RABGAP1L: variants seen among roughly 807,000 people sequenced by gnomAD.
The protein encoded by RABGAP1L is RAB GTPase activating protein 1 like, also known as rab GTPase-activating protein 1-like.
Under a neutral mutation model 137.7 loss-of-function variants are expected in RABGAP1L, and 63 were observed. The ratio of observed to expected loss-of-function variants is 0.46; its 90% confidence interval spans 0.37 to 0.56. The LOEUF (loss-of-function observed/expected upper bound fraction) is 0.56. RABGAP1L is among the 20% of genes least tolerant of loss of function. The probability of loss-of-function intolerance (pLI) is 0.00; values close to 1 mark genes in which losing one functional copy is unlikely to be tolerated. For synonymous variants in RABGAP1L, 431 were observed against 433.7 expected (o/e 0.99, Z 0.08); for missense variants, 1,095 against 1,244.0 (o/e 0.88, Z 1.80).
intron 15 of RABGAP1L, among the ~76,000 whole-genome samples, chr1:174,690,829 C>CTTT (rs572724291): frequency 8.7e-4 from 102 of 116,888 alleles, no homozygotes; most frequent in African/African-American, 1.1e-3. Flanking sequence ...CAGCATTCAT[C>CTTT]TTTTTTTTTT....
At chr1:174,979,087 A>G (rs1670888766) in intron 23 of RABGAP1L, among the ~76,000 whole-genome samples, 197 bp downstream of exon 23, 1 of 152,198 alleles carries the variant, frequency 6.6e-6, no homozygotes, top group Admixed American at 6.5e-5. Context: ...CGGGAGGCTG[A>G]GGCAGGAGGA....
intron 19 of RABGAP1L, among the ~76,000 whole-genome samples, chr1:174,840,677 G>C (rs906891050): frequency 6.6e-6 from 1 of 151,058 alleles, no homozygotes; most frequent in Non-Finnish European, 1.5e-5. Flanking sequence ...TTAGCTGGGC[G>C]TGGTGGCAGG....
chr1:174,651,737 G>T (rs1226038917), intron 14 of RABGAP1L, among the ~76,000 whole-genome samples: 1 of 152,110 alleles, frequency 6.6e-6, no homozygotes. Context: ...GTCTCTGCAG[G>T]TGAGATGCGT....
intron 11 of RABGAP1L, among the ~76,000 whole-genome samples, chr1:174,323,189 A>G (rs569168395): frequency 2.6e-5 from 4 of 152,292 alleles, no homozygotes; most frequent in Non-Finnish European, 4.4e-5. Flanking sequence ...TGTGGCATAT[A>G]TATTAGATAT....
At chr1:174,829,375 G>T (rs1691882292) in intron 19 of RABGAP1L, among the ~76,000 whole-genome samples, 1 of 147,948 alleles carries the variant, frequency 6.8e-6, no homozygotes, top group African/African-American at 2.5e-5. Context: ...TTTTAAGAGT[G>T]GTGTTTATTA....
intron 11 of RABGAP1L, among the ~76,000 whole-genome samples, chr1:174,315,236 G>A (rs181182758): frequency 6.6e-6 from 1 of 152,100 alleles, no homozygotes; most frequent in African/African-American, 2.4e-5. Flanking sequence ...TCATTATATG[G>A]TGACTTTCTT....
rs114179865 is a variant in RABGAP1L at position 174,985,157 on chromosome 1, G to T, written c.2805+2252G>T. Among the ~76,000 whole-genome samples the T allele has an allele frequency of 7.2e-3, 1,101 of 152,326 alleles. 11 individuals carry two copies. The highest frequency in any genetic ancestry group is 0.025 in the African/African-American group (1,048 of 41,564). The stretch of plus-strand genomic sequence containing the variant: ...ACACTTTGGGGAGGCTGAGGTGGGC[G>T]GATCACTTGAGTCCAGGAGTTCAAC... On this transcript the variant is annotated intron_variant, in intron 24 of 25. Coordinates refer to ENST00000681986, the MANE Select transcript of RABGAP1L (RefSeq NM_001366446.1).
intron 13 of RABGAP1L, among the ~76,000 whole-genome samples, chr1:174,547,070 A>C (rs375755097): frequency 3.3e-5 from 5 of 150,924 alleles, no homozygotes; most frequent in African/African-American, 1.2e-4. Flanking sequence ...AAAGCAGTTA[A>C]ATTAACACAA....
intron 12 of RABGAP1L, among the ~76,000 whole-genome samples, chr1:174,381,294 G>T (rs1686131021): frequency 6.8e-6 from 1 of 146,866 alleles, no homozygotes; most frequent in Admixed American, 6.7e-5. Flanking sequence ...TTCTGTAGAT[G>T]TCTATTAGGT....
intron 13 of RABGAP1L, among the ~76,000 whole-genome samples, chr1:174,432,783 G>A (rs1652797315): frequency 6.6e-6 from 1 of 152,262 alleles, no homozygotes; most frequent in East Asian, 1.9e-4. Flanking sequence ...TGATCCACCT[G>A]CCTCGGCCTC....
At chr1:174,982,665 C>G (rs1671240925) in intron 23 of RABGAP1L, among the ~76,000 whole-genome samples, 169 bp from the exon 24 acceptor site, 1 of 152,222 alleles carries the variant, frequency 6.6e-6, no homozygotes. Context: ...AACGCTCCAG[C>G]TTTCTGCTGC....
intron 19 of RABGAP1L, among the ~76,000 whole-genome samples, chr1:174,924,394 A>AG (rs1393237485): frequency 1.3e-5 from 2 of 151,270 alleles, no homozygotes. Flanking sequence ...TCAAAAAAAA[A>AG]AAAAAAAAAA....
At chr1:174,869,731 G>A (rs534518731) in intron 19 of RABGAP1L, among the ~76,000 whole-genome samples, 1 of 152,096 alleles carries the variant, frequency 6.6e-6, no homozygotes, top group Non-Finnish European at 1.5e-5. Flanking sequence ...TAAGAGACGG[G>A]ATCTTTGACT....
At chr1:174,827,344 T>C (rs190282483) in intron 19 of RABGAP1L, among the ~76,000 whole-genome samples, 1 of 152,304 alleles carries the variant, frequency 6.6e-6, no homozygotes, top group East Asian at 1.9e-4. Flanking sequence ...ACCAGTCATA[T>C]TGGATTAGAG....
intron 13 of RABGAP1L, among the ~76,000 whole-genome samples, chr1:174,459,652 G>T (rs1482680174): frequency 6.6e-6 from 1 of 152,030 alleles, no homozygotes; most frequent in Non-Finnish European, 1.5e-5. Context: ...ACATGTACAA[G>T]TCTGTATGTG....
chr1:174,272,847 G>C (rs1046006743), intron 8 of RABGAP1L, among the ~76,000 whole-genome samples: 1 of 152,044 alleles, frequency 6.6e-6, no homozygotes, highest in South Asian at 2.1e-4. Flanking sequence ...CTATTAATTT[G>C]AGTTTGTGAT....
chr1:174,946,944 G>A (rs376402980), intron 19 of RABGAP1L, among the ~76,000 whole-genome samples: 955 of 53,156 alleles, frequency 0.018, 13 homozygotes, highest in East Asian at 0.1. Context: ...ATATATATGT[G>A]TGTGTGTGTG....
At chr1:174,453,937 C>A (rs936120940) in intron 13 of RABGAP1L, among the ~76,000 whole-genome samples, 2 of 152,012 alleles carry the variant, frequency 1.3e-5, no homozygotes, top group African/African-American at 4.8e-5. Context: ...GTAAAAATTT[C>A]TTTTATAATC....
At chr1:174,807,906 G>A (rs929958859) in intron 18 of RABGAP1L, among the ~76,000 whole-genome samples, 26 of 151,218 alleles carry the variant, frequency 1.7e-4, no homozygotes, top group Non-Finnish European at 1.8e-4. Flanking sequence ...AGACCAGCCT[G>A]TGCAACGTAG....
Sources: allele counts gnomAD v4.1 joint callset (sites outside exome capture counted in the v4.1 genomes callset), GRCh38; gene constraint gnomAD v4.1.1; transcripts MANE v1.5; gene names NCBI Gene and HGNC (gene_info 2026-07-23, HGNC 2026-07-21).